The following PHYKPL variants were observed in gnomAD, a reference collection of about 807,000 sequenced individuals.
PHYKPL encodes 5-phosphonooxy-L-lysine phospho-lyase.
In PHYKPL, 42 loss-of-function variants were observed where a neutral mutation model predicts 51.3. The observed-to-expected ratio is 0.82, with a 90% CI of 0.64 to 1.06. The LOEUF (loss-of-function observed/expected upper bound fraction) is 1.06. Ranked by LOEUF, PHYKPL falls within the 50% of genes least tolerant of loss-of-function variation. The probability of loss-of-function intolerance (pLI) is 0.00; values close to 1 mark genes in which losing one functional copy is unlikely to be tolerated. For missense variants in PHYKPL, 655 were observed against 586.6 expected (o/e 1.12, Z -1.20); for synonymous variants, 264 against 236.0 (o/e 1.12, Z -1.09).
chr5:178,207,667 GTCCACTTCCA>G (rs1260305857), downstream of PHYKPL, among the ~76,000 whole-genome samples: 3 of 137,470 alleles, frequency 2.2e-5, no homozygotes, highest in Non-Finnish European at 3.1e-5. Context: ...CCAAGTCTTT[GTCCACTTCCA>G]TCCACTTTGA....
At chr5:178,222,620 A>G (rs1412038703) in intron 7 of PHYKPL, 40 bp from the exon 8 acceptor site, 1 of 1,600,918 alleles carries the variant, frequency 6.2e-7, no homozygotes, top group Non-Finnish European at 8.6e-7. Flanking sequence ...GCTGTGGTTG[A>G]GAGGGATAAG....
rs1300907106 is a variant in PHYKPL, at chr5:178,232,506, C to T, written c.45G>A (p.Arg15=). Residue 15 remains arginine, a synonymous_variant, in exon 1 of 13, where the codon AGG becomes AGA. Transcript: ENST00000308158. ...QRPKADTLAL[R]QRLISSSCRL... ...CGCCCGGGTACCTGATGAGCCGTTG[C>T]CTCAGGGCCAGCGTGTCGGCCTTCG... 6 of 1,277,324 alleles carry T rather than the reference C, an allele frequency of 4.7e-6. No homozygotes were observed. Among genetic ancestry groups the T allele is most frequent in the African/African-American group, 1.6e-5 (1 of 63,510 alleles). The allele number at this position is 1,277,324 out of a possible 1,614,324, so 79.1% of individuals were successfully genotyped here.
chr5:178,224,587 G>A, intron 5 of PHYKPL, 23 bp from the exon 6 acceptor site: 1 of 1,614,084 alleles, frequency 6.2e-7, no homozygotes, highest in African/African-American at 1.3e-5. Context: ...ACAGCGCCAT[G>A]TTATCCGGGC....
intron 12 of PHYKPL, chr5:178,210,630 A>T (rs2113637524): frequency 6.2e-7 from 1 of 1,611,124 alleles, no homozygotes; most frequent in African/African-American, 1.3e-5. Context: ...CTGAGGCGGC[A>T]GCAGGAGCGA....
intron 12 of PHYKPL, chr5:178,210,290 A>T: frequency 6.2e-7 from 1 of 1,614,014 alleles, no homozygotes; most frequent in South Asian, 1.1e-5. Flanking sequence ...GGAGAGAGGG[A>T]GGCCCCATCC....
At chr5:178,208,989 G>T in intron 12 of PHYKPL, 74 bp from the exon 13 acceptor site, 1 of 248,392 alleles carries the variant, frequency 4.0e-6, no homozygotes, top group Middle Eastern at 1.4e-3. Context: ...TGACCCTCTA[G>T]CCCAGCAGGA....
At chr5:178,225,458 G>C in intron 3 of PHYKPL, 29 bp from the exon 4 acceptor site, 3 of 1,612,762 alleles carry the variant, frequency 1.9e-6, no homozygotes, top group South Asian at 1.1e-5. Context: ...GCATGACTGA[G>C]AGAGTAGTCT....
At position 178,224,470 on chromosome 5, in the gene PHYKPL, C is replaced by G. The variant is rs747644101; in HGVS notation, c.596G>C (p.Ser199Thr). ...YANEVKRVVS[S>T]AQEKGRKIAA... is the part of the protein sequence containing the mutation. ...TACCTTCCTGCCCTTCTCCTGTGCA[C>G]TGCTGACCACACGTTTCACCTCGTT... is the stretch of plus-strand genomic sequence containing the variant. The change falls in exon 6 of 13, where the codon AGT (serine) becomes ACT (threonine). Residue 199 changes from serine to threonine, a missense_variant. Physicochemically the swap from Ser to Thr is moderately conservative, Grantham distance 58. Transcript: ENST00000308158. 14 of 1,599,878 alleles carry G rather than the reference C, an allele frequency of 8.8e-6. No homozygotes were observed. Among genetic ancestry groups the G allele is most frequent in the African/African-American group, 1.3e-5 (1 of 74,842 alleles).
chr5:178,214,976 AGG>A, intron 9 of PHYKPL, 91 bp from the exon 10 acceptor site: 1 of 1,190,376 alleles, frequency 8.4e-7, no homozygotes, highest in Non-Finnish European at 1.2e-6. Flanking sequence ...GTGCCTCCTG[AGG>A]GGGCTGAGTG....
intron 6 of PHYKPL, among the ~76,000 whole-genome samples, chr5:178,223,139 G>A (rs745314219): frequency 2.6e-5 from 4 of 152,088 alleles, no homozygotes; most frequent in Non-Finnish European, 5.9e-5. Flanking sequence ...GATGCCTCCA[G>A]GCCCCTAGTA....
rs190557191 is a variant in PHYKPL, at chr5:178,208,644, T to C, written c.*303A>G. The C allele has an allele frequency of 3.3e-5, 5 of 152,272 alleles. No homozygotes were observed. The highest frequency in any genetic ancestry group is 7.3e-5 in the Non-Finnish European group (5 of 68,056). 9.4% of individuals were successfully genotyped at this position (152,272 alleles called of 1,614,324 possible). On this transcript the variant is annotated 3_prime_UTR_variant, in exon 13 of 13. Transcript: ENST00000308158. ...GTCAGGATTTTCTTTAGAAATACAC[T>C]GGTCTGGTCTAATTTATTTAAGCAG...
chr5:178,231,541 G>T lies in PHYKPL; in HGVS notation c.60-18C>A. The T allele has an allele frequency of 6.2e-7, 1 of 1,614,124 alleles. No individual in the cohort carries two copies. Among genetic ancestry groups the T allele is most frequent in the Non-Finnish European group, 8.5e-7 (1 of 1,179,980 alleles). On this transcript the variant is annotated intron_variant, in intron 1 of 12. Transcript: ENST00000308158. ...AGGAAGAGCTGTGGGGACAGGCAAGGAGTGGACAGCCATGTCTGAAGACCG... is the reference window on the plus strand; with the variant it reads ...AGGAAGAGCTGTGGGGACAGGCAAGTAGTGGACAGCCATGTCTGAAGACCG...
At chr5:178,217,381 T>G (rs557769597) in intron 8 of PHYKPL, among the ~76,000 whole-genome samples, 196 of 151,986 alleles carry the variant, frequency 1.3e-3, no homozygotes, top group African/African-American at 4.4e-3. Flanking sequence ...CCACCACATC[T>G]GGCTAATTTT....
chr5:178,207,347 C>A, downstream of PHYKPL: 1 of 1,181,494 alleles, frequency 8.5e-7, no homozygotes, highest in Non-Finnish European at 1.2e-6. Flanking sequence ...TACTATTTCT[C>A]TGAAGCGTAT....
chr5:178,227,922 C>T (rs944385323), intron 3 of PHYKPL, among the ~76,000 whole-genome samples: 6 of 152,108 alleles, frequency 3.9e-5, no homozygotes, highest in African/African-American at 1.4e-4. Flanking sequence ...CGTGTGGTTT[C>T]TGCCTGGAGC....
intron 1 of PHYKPL, chr5:178,232,234 C>G: frequency 1.6e-6 from 2 of 1,255,352 alleles, no homozygotes; most frequent in Non-Finnish European, 2.0e-6. Flanking sequence ...AGGGCGGGGC[C>G]GTCTCCTGAA....
At chr5:178,219,260 A>C (rs543992897) in intron 8 of PHYKPL, among the ~76,000 whole-genome samples, 2 of 152,302 alleles carry the variant, frequency 1.3e-5, no homozygotes, top group South Asian at 4.1e-4. Context: ...GACAGGTTAT[A>C]AACTGGATGA....
At chr5:178,211,814 C>G in intron 12 of PHYKPL, 76 bp downstream of exon 12, 3 of 1,060,080 alleles carry the variant, frequency 2.8e-6, no homozygotes, top group Non-Finnish European at 4.3e-6. Context: ...AAAGGCTCAG[C>G]TTGCCGAGGC....
intron 1 of PHYKPL, chr5:178,231,740 T>C (rs1373979533): frequency 6.6e-7 from 1 of 1,520,180 alleles, no homozygotes; most frequent in Admixed American, 2.0e-5. Flanking sequence ...AAACTTCGGA[T>C]TGTTTCTGAA....
Sources: allele counts gnomAD v4.1 joint callset (sites outside exome capture counted in the v4.1 genomes callset), GRCh38; gene constraint gnomAD v4.1.1; transcripts MANE v1.5; gene names NCBI Gene and HGNC (gene_info 2026-07-23, HGNC 2026-07-21).